Variants in TRPM1 observed in about 807,000 individuals in gnomAD.
The protein encoded by TRPM1 is TRPM1-203 APA Isoform, Intron 10.
A neutral mutation model predicts 149.4 loss-of-function variants in TRPM1; 113 were observed. That is an observed-to-expected ratio of 0.76 (90% CI 0.65 to 0.88). TRPM1 has a LOEUF of 0.88. TRPM1 is among the 40% of genes least tolerant of loss of function. The pLI is 0.00. For synonymous variants in TRPM1, 741 were observed against 759.5 expected (o/e 0.98, Z 0.40); for missense variants, 1,976 against 2,038.7 (o/e 0.97, Z 0.59).
chr15:31,022,945 C>T (rs1204316824), intron 27 of TRPM1, among the ~76,000 whole-genome samples: 1 of 152,208 alleles, frequency 6.6e-6, no homozygotes. Flanking sequence ...TCGCTTGAGT[C>T]CAGGAGGTTG....
intron 1 of TRPM1, among the ~76,000 whole-genome samples, chr15:31,115,856 C>T (rs2035790860): frequency 6.6e-6 from 1 of 151,894 alleles, no homozygotes; most frequent in Non-Finnish European, 1.5e-5. Flanking sequence ...TCTCACAGTT[C>T]TGGAGGCTGG....
At chr15:31,027,708 T>C (rs1300721687) in intron 25 of TRPM1, among the ~76,000 whole-genome samples, 1 of 152,232 alleles carries the variant, frequency 6.6e-6, no homozygotes, top group Non-Finnish European at 1.5e-5. Flanking sequence ...CCAGGTTTTC[T>C]CCAATGCCCT....
At chr15:31,157,634 T>C (rs1243466226) in intron 1 of TRPM1, among the ~76,000 whole-genome samples, 1 of 152,154 alleles carries the variant, frequency 6.6e-6, no homozygotes, top group East Asian at 1.9e-4. Flanking sequence ...GGGACTGTTT[T>C]GGCCAGTGGG....
chr15:31,040,578 T>C lies in TRPM1; in HGVS notation c.2088-232A>G, dbSNP rs1304647455. On this transcript the variant is annotated intron_variant, in intron 17 of 27. Coordinates refer to ENST00000256552, the MANE Select transcript of TRPM1 (RefSeq NM_001252024.2). This position sits in a 1 kb window ranked among gnomAD's most constrained non-coding sequence, Gnocchi z 4.2. ...GTGGGCTGACTGCTACTGCTGCAAA[T>C]GGAGCTGTAGGTTGAGACCACATCT... Among the ~76,000 whole-genome samples, 3 of 152,138 alleles carry C rather than the reference T, an allele frequency of 2.0e-5. No homozygotes were observed. The highest frequency in any genetic ancestry group is 4.4e-5 in the Non-Finnish European group (3 of 68,022).
chr15:31,056,726 A>T (rs180860975), intron 11 of TRPM1, among the ~76,000 whole-genome samples: 1 of 152,132 alleles, frequency 6.6e-6, no homozygotes, highest in Admixed American at 6.5e-5. Context: ...ATCTTGAGAG[A>T]TTTGTTTTAA....
chr15:31,102,958 T>G (rs2035545064), upstream of TRPM1, among the ~76,000 whole-genome samples: 1 of 152,186 alleles, frequency 6.6e-6, no homozygotes, highest in Non-Finnish European at 1.5e-5. Flanking sequence ...CGGGAACCCT[T>G]CCGGGGGCTG....
Position 31,081,388 on chromosome 15 carries a change from C to T in TRPM1, c.-33G>A, listed in dbSNP as rs1421507844. On this transcript the variant is annotated 5_prime_UTR_variant, in exon 2 of 28. Coordinates refer to ENST00000256552, the MANE Select transcript of TRPM1 (RefSeq NM_001252024.2). ...CAAAAAGTTGATATAAGGAAATAGC[C>T]TCAGTCCAGCACTGCAAGTTACTGC... The T allele has an allele frequency of 6.5e-6, 10 of 1,535,038 alleles. No individual in the cohort carries two copies. The East Asian group carries it at 2.4e-4, about 38-fold the overall frequency.
chr15:31,018,523 G>A (rs1011800109), intron 27 of TRPM1, among the ~76,000 whole-genome samples: 35 of 151,340 alleles, frequency 2.3e-4, no homozygotes, highest in African/African-American at 5.4e-4. Context: ...ACAGGCATGC[G>A]CCACCATGCC....
At chr15:31,024,715 T>A (rs1486647781) in intron 27 of TRPM1, among the ~76,000 whole-genome samples, 2 of 152,234 alleles carry the variant, frequency 1.3e-5, no homozygotes, top group African/African-American at 4.8e-5. Flanking sequence ...TGTAAATGAC[T>A]GGTTAAAATT....
intron 1 of TRPM1, among the ~76,000 whole-genome samples, chr15:31,155,704 G>A (rs1161531113): frequency 6.6e-6 from 1 of 152,090 alleles, no homozygotes; most frequent in East Asian, 1.9e-4. Flanking sequence ...AGGGAGAAAG[G>A]GAGGGGGAGA....
exon 1 of TRPM1, chr15:31,161,128 G>A (rs1040939001): frequency 3.5e-5 from 23 of 653,878 alleles, no homozygotes; most frequent in Non-Finnish European, 5.5e-5. Context: ...ATCCTGGGGC[G>A]AGGCCGGCCG....
At chr15:31,113,871 T>G (rs188266442) in intron 1 of TRPM1, among the ~76,000 whole-genome samples, 5 of 152,300 alleles carry the variant, frequency 3.3e-5, no homozygotes, top group East Asian at 1.9e-4. Context: ...GCTGGAAGGG[T>G]ACCGAGCAAA....
chr15:31,131,434 G>A (rs2036014646), intron 1 of TRPM1, among the ~76,000 whole-genome samples: 1 of 152,076 alleles, frequency 6.6e-6, no homozygotes, highest in Non-Finnish European at 1.5e-5. Context: ...GTGAAATTAT[G>A]AAGAAGGAAA....
At position 31,047,898 on chromosome 15, in the gene TRPM1, A is replaced by G. The variant is rs1421954717; in HGVS notation, c.1614T>C (p.Asp538=). Reference sequence around the variant, plus strand: ...AAAACAGTAGACTGACCTTTTTCACATCCCTCACCAGCAGATGAAGTGTGT... The same window carrying G: ...AAAACAGTAGACTGACCTTTTTCACGTCCCTCACCAGCAGATGAAGTGTGT... ...PPNTLHLLVR[D]VKKSNLPPDY... The change falls in exon 14 of 28, where the codon GAT becomes GAC. Residue 538 remains aspartate, a synonymous_variant. Coordinates refer to ENST00000256552, the MANE Select transcript of TRPM1 (RefSeq NM_001252024.2). The G allele has an allele frequency of 6.2e-7, 1 of 1,613,434 alleles. No individual in the cohort carries two copies. Among genetic ancestry groups the G allele is most frequent in the Non-Finnish European group, 8.5e-7 (1 of 1,179,432 alleles).
rs2033924733 is a variant in TRPM1 at position 31,050,698 on chromosome 15, A to C, written c.1264-116T>G. The C allele has an allele frequency of 2.7e-6, 3 of 1,118,212 alleles. No homozygotes were observed. The South Asian group carries it at 3.8e-5, about 14-fold the overall frequency. The allele number at this position is 1,118,212 out of a possible 1,614,324, so 69.3% of individuals were successfully genotyped here. On this transcript the variant is annotated intron_variant, in intron 11 of 27. Coordinates refer to ENST00000256552, the MANE Select transcript of TRPM1 (RefSeq NM_001252024.2). The stretch of plus-strand genomic sequence containing the variant: ...GCACACATGCACACCACACATGCAC[A>C]CAATGTACATGTGCACACCCACACA...
intron 1 of TRPM1, among the ~76,000 whole-genome samples, chr15:31,117,521 G>T (rs2035816131): frequency 6.6e-6 from 1 of 151,878 alleles, no homozygotes; most frequent in African/African-American, 2.4e-5. Flanking sequence ...GGAGGTGCAA[G>T]CCTGTAGTCC....
chr15:31,113,839 C>T (rs1395550175), intron 1 of TRPM1, among the ~76,000 whole-genome samples: 4 of 152,232 alleles, frequency 2.6e-5, no homozygotes, highest in East Asian at 1.9e-4. Flanking sequence ...ATGTGAACAG[C>T]AAAACAACGA....
At chr15:31,011,583 T>C (rs899923897) in intron 27 of TRPM1, among the ~76,000 whole-genome samples, 7 of 152,096 alleles carry the variant, frequency 4.6e-5, no homozygotes, top group Admixed American at 4.6e-4. Flanking sequence ...CATATGTTTT[T>C]CAGTTATTTT....
intron 1 of TRPM1, among the ~76,000 whole-genome samples, chr15:31,141,430 G>T (rs1240010153): frequency 6.6e-6 from 1 of 152,094 alleles, no homozygotes; most frequent in Non-Finnish European, 1.5e-5. Flanking sequence ...CTTTGTTAAA[G>T]AAAAGACTAA....
Sources: gnomAD v4.1 joint callset for allele counts (sites outside exome capture counted in the v4.1 genomes callset) on GRCh38, gnomAD v4.1.1 for gene constraint, Gnocchi (gnomAD v3.1) non-coding constraint, MANE v1.5 for transcripts, NCBI Gene and HGNC (gene_info 2026-07-23, HGNC 2026-07-21) for gene names.